The following C8A variants were observed in gnomAD, a reference collection of about 807,000 sequenced individuals.
C8A encodes the protein complement C8 alpha chain.
In C8A, 67 loss-of-function variants were observed where a neutral mutation model predicts 65.3. That is an observed-to-expected ratio of 1.03 (90% confidence interval 0.84 to 1.26). The LOEUF (loss-of-function observed/expected upper bound fraction) is 1.26, where lower values mean the gene tolerates loss of function less well. Ranked by LOEUF, C8A falls within the 50% of genes most tolerant of loss-of-function variation. The pLI is 0.00. For synonymous variants in C8A, 290 were observed against 259.4 expected (o/e 1.12, Z -1.13); for missense variants, 781 against 723.9 (o/e 1.08, Z -0.90).
intron 1 of C8A, among the ~76,000 whole-genome samples, chr1:56,860,086 T>C (rs1156453600): frequency 2.6e-5 from 4 of 152,242 alleles, no homozygotes; most frequent in African/African-American, 9.6e-5. Flanking sequence ...TTTTTTTACA[T>C]TGTGATAAAT....
Position 56,917,720 on chromosome 1 carries a change from C to T in C8A, c.*4C>T, listed in dbSNP as rs1452187095. ...AGTACAGACGCAGGCTTGCTGAGGG[C>T]CTCTGGACACAGGCTGGACCAGATG... On this transcript the variant is annotated 3_prime_UTR_variant, in exon 11 of 11. Coordinates refer to ENST00000361249, the MANE Select transcript of C8A (RefSeq NM_000562.3). 1.2e-6 allele frequency: 2 copies of T among 1,613,954 alleles called. No individual in the cohort carries two copies. The highest frequency in any genetic ancestry group is 1.7e-6 in the Non-Finnish European group (2 of 1,180,030).
intron 7 of C8A, among the ~76,000 whole-genome samples, chr1:56,893,414 G>T (rs528720954): frequency 3.4e-4 from 52 of 152,156 alleles, no homozygotes; most frequent in Non-Finnish European, 4.9e-4. Flanking sequence ...CATCTGGGTG[G>T]GGCTCTTGGT....
intron 2 of C8A, among the ~76,000 whole-genome samples, chr1:56,874,366 G>A (rs1299532764): frequency 6.6e-6 from 1 of 152,162 alleles, no homozygotes; most frequent in Non-Finnish European, 1.5e-5. Context: ...TATCTCCAAA[G>A]AAAGAGGGGA....
chr1:56,907,047 A>T (rs546342613), intron 8 of C8A, among the ~76,000 whole-genome samples: 275 of 152,330 alleles, frequency 1.8e-3, no homozygotes, highest in African/African-American at 6.2e-3. Flanking sequence ...ACAAAGGTCC[A>T]AGTAAGAACT....
chr1:56,872,166 G>C (rs934526085), intron 2 of C8A, among the ~76,000 whole-genome samples: 1 of 152,122 alleles, frequency 6.6e-6, no homozygotes, highest in African/African-American at 2.4e-5. Context: ...TTTGGACCTT[G>C]GATAAATACC....
intron 2 of C8A, among the ~76,000 whole-genome samples, 166 bp from the exon 3 acceptor site, chr1:56,874,783 G>A (rs893638081): frequency 3.3e-5 from 5 of 152,178 alleles, no homozygotes; most frequent in Admixed American, 1.3e-4. Flanking sequence ...CACTTCTGGT[G>A]ATACACCACT....
chr1:56,910,045 C>T (rs682479), intron 9 of C8A, among the ~76,000 whole-genome samples: 2 of 151,854 alleles, frequency 1.3e-5, no homozygotes, highest in African/African-American at 2.4e-5. Context: ...AAAGAGAATG[C>T]TCACAGGGAA....
At chr1:56,896,227 A>T (rs956333588) in intron 7 of C8A, among the ~76,000 whole-genome samples, 1 of 152,160 alleles carries the variant, frequency 6.6e-6, no homozygotes, top group African/African-American at 2.4e-5. Flanking sequence ...TATAAAATGT[A>T]TATATAATAT....
chr1:56,912,025 G>T (rs1644511794), intron 9 of C8A, among the ~76,000 whole-genome samples: 1 of 152,140 alleles, frequency 6.6e-6, no homozygotes, highest in Admixed American at 6.5e-5. Flanking sequence ...ATCACTGTGA[G>T]GATTAAGGGA....
intron 3 of C8A, 121 bp downstream of exon 3, chr1:56,875,214 T>G: frequency 8.4e-6 from 10 of 1,189,846 alleles, no homozygotes; most frequent in South Asian, 1.3e-5. Flanking sequence ...TGCCATTCTC[T>G]AGGTTTGGGA....
intron 6 of C8A, among the ~76,000 whole-genome samples, chr1:56,885,383 A>AAT (rs1240305757): frequency 1.0e-5 from 1 of 98,106 alleles, no homozygotes; most frequent in East Asian, 4.3e-4. Flanking sequence ...TATTTATTTA[A>AAT]ATATATATTT....
chr1:56,877,206 C>G (rs1570324818), intron 4 of C8A, among the ~76,000 whole-genome samples: 1 of 152,262 alleles, frequency 6.6e-6, no homozygotes, highest in Admixed American at 6.5e-5. Flanking sequence ...CTCCTAGCCT[C>G]CAGAACCATG....
intron 7 of C8A, among the ~76,000 whole-genome samples, chr1:56,893,093 C>T (rs572732043): frequency 5.3e-5 from 8 of 152,050 alleles, no homozygotes; most frequent in African/African-American, 1.9e-4. Flanking sequence ...AATTATTTTC[C>T]CTGAGATATC....
chr1:56,915,956 T>C (rs1644547685), intron 10 of C8A, among the ~76,000 whole-genome samples: 1 of 152,208 alleles, frequency 6.6e-6, no homozygotes, highest in Admixed American at 6.5e-5. Flanking sequence ...GGAACAGATG[T>C]GAGCCTTGCC....
intron 5 of C8A, among the ~76,000 whole-genome samples, chr1:56,881,899 C>G (rs1644251810): frequency 1.3e-5 from 2 of 152,252 alleles, no homozygotes; most frequent in South Asian, 2.1e-4. Context: ...ATCTGGGCTG[C>G]CAATCAGACA....
chr1:56,896,424 G>T (rs1276760316), intron 7 of C8A, among the ~76,000 whole-genome samples: 1 of 152,090 alleles, frequency 6.6e-6, no homozygotes, highest in Admixed American at 6.5e-5. Context: ...GACCCTGGAA[G>T]AGTTGACATT....
At chr1:56,870,211 T>C (rs1432780610) in intron 2 of C8A, among the ~76,000 whole-genome samples, 4 of 152,100 alleles carry the variant, frequency 2.6e-5, no homozygotes, top group African/African-American at 9.7e-5. Flanking sequence ...AAGTCTGAAA[T>C]CCAGGTATCA....
At chr1:56,867,736 A>G (rs1351948846) in intron 2 of C8A, 34 bp downstream of exon 2, 14 of 1,470,216 alleles carry the variant, frequency 9.5e-6, no homozygotes, top group Admixed American at 1.7e-5. Context: ...GGGGCATTTC[A>G]TATTTGATAT....
chr1:56,890,500 G>A (rs1355958338), intron 7 of C8A, among the ~76,000 whole-genome samples: 9 of 152,230 alleles, frequency 5.9e-5, no homozygotes, highest in Middle Eastern at 3.4e-3. Flanking sequence ...GGCCCCATCA[G>A]CGAGATATAT....
Sources: gnomAD v4.1 joint callset for allele counts (sites outside exome capture counted in the v4.1 genomes callset) on GRCh38, gnomAD v4.1.1 for gene constraint, MANE v1.5 for transcripts, NCBI Gene and HGNC (gene_info 2026-07-23, HGNC 2026-07-21) for gene names.